Variants in OSBPL8 observed in about 807,000 individuals in gnomAD.
The protein encoded by OSBPL8 is oxysterol binding protein like 8, also known as oxysterol-binding protein-related protein 8.
In OSBPL8, 59 loss-of-function variants were observed where a neutral mutation model predicts 125.5. The observed-to-expected ratio is 0.47, with a 90% CI of 0.38 to 0.58. OSBPL8 has a LOEUF of 0.58. Ranked by LOEUF, OSBPL8 falls within the 20% of genes least tolerant of loss-of-function variation. The pLI is 0.00. For missense variants in OSBPL8, 758 were observed against 1,047.8 expected, an observed-to-expected ratio of 0.72 and a Z score of 3.82; for synonymous variants, 330 against 338.9, an observed-to-expected ratio of 0.97 and a Z score of 0.29.
At position 76,450,882 on chromosome 12, in the gene OSBPL8, T is replaced by C. The variant is rs751136655; in HGVS notation, c.186A>G (p.Pro62=). The change falls in exon 4 of 24, where the codon CCA becomes CCG. Residue 62 remains proline (P), a synonymous_variant. Coordinates refer to ENST00000261183, the MANE Select transcript of OSBPL8 (RefSeq NM_020841.5). ...YPTPTKDLHQ[P]SLSPASPHSQ... ...TATGAGGACTTGCTGGACTAAGAGATGGCTGATGCAAATCTTTGGTTGGCG... is the reference window on the plus strand; with the variant it reads ...TATGAGGACTTGCTGGACTAAGAGACGGCTGATGCAAATCTTTGGTTGGCG... The C allele has an allele frequency of 8.7e-6, 14 of 1,613,316 alleles. No homozygotes were observed. The highest frequency in any genetic ancestry group is 5.3e-5 in the African/African-American group (4 of 74,890).
chr12:76,414,041 C>T (rs12824561), intron 4 of OSBPL8, among the ~76,000 whole-genome samples: 2 of 152,140 alleles, frequency 1.3e-5, no homozygotes, highest in East Asian at 3.8e-4. Context: ...TGTAGTTTTA[C>T]TTTTTGCATC....
intron 4 of OSBPL8, among the ~76,000 whole-genome samples, chr12:76,433,751 G>T (rs1447115275): frequency 6.6e-6 from 1 of 151,978 alleles, no homozygotes; most frequent in Non-Finnish European, 1.5e-5. Flanking sequence ...AAGGCAGGTG[G>T]ATCATGAGGT....
chr12:76,371,323 C>A, intron 19 of OSBPL8, 125 bp downstream of exon 19: 1 of 1,086,004 alleles, frequency 9.2e-7, no homozygotes, highest in Non-Finnish European at 1.2e-6. Flanking sequence ...CTGTCACTTC[C>A]ACAAATGATA....
In OSBPL8 at chr12:76,373,447, A is replaced by C. The variant is rs1413421205; in HGVS notation, c.1828-14T>G. On this transcript the variant is annotated splice_polypyrimidine_tract_variant and intron_variant, in intron 17 of 23. Coordinates refer to ENST00000261183, the MANE Select transcript of OSBPL8 (RefSeq NM_020841.5). Reference sequence around the variant, plus strand: ...CCCTAGGAATGGCTTTTAAACGAGAAAATGTTAAACATTTTACTTTTCACT... The same window carrying C: ...CCCTAGGAATGGCTTTTAAACGAGACAATGTTAAACATTTTACTTTTCACT... The C allele has an allele frequency of 6.5e-7, 1 of 1,544,714 alleles. No homozygotes were observed. The highest frequency in any genetic ancestry group is 8.9e-7 in the Non-Finnish European group (1 of 1,128,598).
intron 1 of OSBPL8, among the ~76,000 whole-genome samples, chr12:76,499,597 T>C (rs1378889409): frequency 2.0e-5 from 3 of 152,050 alleles, no homozygotes. Flanking sequence ...ATGCCTGTAA[T>C]CCCAGCACTT....
At chr12:76,527,018 C>G (rs1950198865) in intron 1 of OSBPL8, among the ~76,000 whole-genome samples, 1 of 151,982 alleles carries the variant, frequency 6.6e-6, no homozygotes, top group South Asian at 2.1e-4. Context: ...ACCTCTGGAC[C>G]TCAGTTTCCT....
intron 21 of OSBPL8, among the ~76,000 whole-genome samples, chr12:76,361,652 G>A (rs1226066847): frequency 1.3e-5 from 2 of 152,178 alleles, no homozygotes; most frequent in African/African-American, 2.4e-5. Context: ...GACTTGGGAG[G>A]TCTATAATCA....
chr12:76,396,544 A>C (rs1458464260), intron 8 of OSBPL8, among the ~76,000 whole-genome samples: 2 of 152,112 alleles, frequency 1.3e-5, no homozygotes, highest in Non-Finnish European at 2.9e-5. Flanking sequence ...GGGCCCAGGA[A>C]TTCAAGACCA....
chr12:76,543,536 AT>A (rs1349074285), intron 1 of OSBPL8, among the ~76,000 whole-genome samples: 1 of 152,114 alleles, frequency 6.6e-6, no homozygotes, highest in Non-Finnish European at 1.5e-5. Context: ...TTTACTGTCG[AT>A]TTTCTACCAC....
At chr12:76,525,555 A>T (rs1045407935) in intron 1 of OSBPL8, among the ~76,000 whole-genome samples, 1 of 152,100 alleles carries the variant, frequency 6.6e-6, no homozygotes, top group African/African-American at 2.4e-5. Flanking sequence ...CTGATAATTG[A>T]TCTATTTGAA....
chr12:76,429,734 A>C (rs557963697), intron 4 of OSBPL8, among the ~76,000 whole-genome samples: 1 of 152,260 alleles, frequency 6.6e-6, no homozygotes, highest in East Asian at 1.9e-4. Flanking sequence ...AGAGGCACAT[A>C]TTCAAGGTCA....
chr12:76,525,997 T>C (rs1182257918), intron 1 of OSBPL8, among the ~76,000 whole-genome samples: 3 of 152,236 alleles, frequency 2.0e-5, no homozygotes, highest in African/African-American at 4.8e-5. Flanking sequence ...CTGGAAATAG[T>C]CTATATCTTC....
At chr12:76,556,775 T>C (rs2137545935) in intron 1 of OSBPL8, among the ~76,000 whole-genome samples, 1 of 152,308 alleles carries the variant, frequency 6.6e-6, no homozygotes, top group African/African-American at 2.4e-5. Flanking sequence ...GCGATTCTCC[T>C]GCCTCAGCCT....
At chr12:76,431,668 A>C (rs2136578451) in intron 4 of OSBPL8, among the ~76,000 whole-genome samples, 1 of 152,334 alleles carries the variant, frequency 6.6e-6, no homozygotes, top group Non-Finnish European at 1.5e-5. Context: ...AAAGGCCATT[A>C]CAATAAAATG....
intron 1 of OSBPL8, among the ~76,000 whole-genome samples, chr12:76,506,023 G>T (rs1480989512): frequency 6.6e-6 from 1 of 150,828 alleles, no homozygotes; most frequent in African/African-American, 2.5e-5. Flanking sequence ...ATGATGGCTT[G>T]CACAGGAACC....
chr12:76,421,122 T>G (rs1202434629), intron 4 of OSBPL8, among the ~76,000 whole-genome samples: 2 of 151,976 alleles, frequency 1.3e-5, no homozygotes, highest in Non-Finnish European at 2.9e-5. Flanking sequence ...AGTGGACTTG[T>G]GGCATGAAGG....
At chr12:76,453,227 T>C (rs1416059471) in intron 3 of OSBPL8, among the ~76,000 whole-genome samples, 3 of 152,194 alleles carry the variant, frequency 2.0e-5, no homozygotes, top group African/African-American at 7.2e-5. Flanking sequence ...AGGTGTCGCA[T>C]CCTACCATAC....
intron 1 of OSBPL8, among the ~76,000 whole-genome samples, chr12:76,542,849 T>A (rs183216039): frequency 2.0e-5 from 3 of 152,284 alleles, no homozygotes; most frequent in East Asian, 3.9e-4. Context: ...TATACCACAA[T>A]GTTATCTTTC....
intron 2 of OSBPL8, among the ~76,000 whole-genome samples, chr12:76,481,247 TAC>T (rs1275755964): frequency 6.6e-6 from 1 of 152,204 alleles, no homozygotes; most frequent in Non-Finnish European, 1.5e-5. Context: ...GGCAATTTGT[TAC>T]AGTCGCAATA....
Sources: allele counts gnomAD v4.1 joint callset (sites outside exome capture counted in the v4.1 genomes callset), GRCh38; gene constraint gnomAD v4.1.1; transcripts MANE v1.5; gene names NCBI Gene and HGNC (gene_info 2026-07-23, HGNC 2026-07-21).